The following TMEFF2 variants were observed in gnomAD, a reference collection of about 807,000 sequenced individuals.
TMEFF2 encodes the protein transmembrane protein with EGF like and two follistatin like domains 2.
A neutral mutation model predicts 53.8 loss-of-function variants in TMEFF2; 28 were observed. The observed-to-expected ratio is 0.52, with a 90% confidence interval of 0.39 to 0.71. The LOEUF (loss-of-function observed/expected upper bound fraction) is 0.71, where lower values mean the gene tolerates loss of function less well. Among genes scored for constraint, TMEFF2 ranks in the 30% least tolerant of loss-of-function variants. The pLI, the probability that TMEFF2 is intolerant of heterozygous loss-of-function variation, is 0.00. For missense variants in TMEFF2, 353 were observed against 455.2 expected, an observed-to-expected ratio of 0.78 and a Z score of 2.04; for synonymous variants, 162 against 166.3, an observed-to-expected ratio of 0.97 and a Z score of 0.20.
intron 4 of TMEFF2, among the ~76,000 whole-genome samples, chr2:192,162,487 A>G (rs181311140): frequency 1.6e-3 from 239 of 152,322 alleles, no homozygotes; most frequent in African/African-American, 5.6e-3. Context: ...ACTTTTCAAC[A>G]GGGGGAAATA....
chr2:192,112,523 G>A (rs1689306434), intron 4 of TMEFF2, among the ~76,000 whole-genome samples: 1 of 152,262 alleles, frequency 6.6e-6, no homozygotes, highest in African/African-American at 2.4e-5. Context: ...CAGGCTCATA[G>A]ATGGAGGGGA....
chr2:192,124,484 T>C (rs1317724528), intron 4 of TMEFF2, among the ~76,000 whole-genome samples: 2 of 152,176 alleles, frequency 1.3e-5, no homozygotes, highest in Non-Finnish European at 2.9e-5. Flanking sequence ...GATGCTCCAT[T>C]CTTTCTTCTG....
chr2:192,177,023 T>A (rs1691061719), intron 4 of TMEFF2: 1 of 151,084 alleles, frequency 6.6e-6, no homozygotes, highest in African/African-American at 2.4e-5. Context: ...AATTAGAAAA[T>A]AACTATTAAC....
intron 4 of TMEFF2, among the ~76,000 whole-genome samples, chr2:192,126,126 GAAA>G (rs1206503891): frequency 9.2e-5 from 14 of 152,120 alleles, no homozygotes; most frequent in Non-Finnish European, 2.1e-4. Flanking sequence ...TCAGATATTT[GAAA>G]AAGATAAAAA....
At chr2:192,137,088 C>T (rs1003355892) in intron 4 of TMEFF2, among the ~76,000 whole-genome samples, 1 of 152,162 alleles carries the variant, frequency 6.6e-6, no homozygotes, top group Non-Finnish European at 1.5e-5. Flanking sequence ...CCCTTTTTAA[C>T]AGAGGGATAA....
intron 8 of TMEFF2, 120 bp from the exon 9 acceptor site, chr2:191,953,957 C>T (rs1047650197): frequency 3.0e-5 from 25 of 836,418 alleles, no homozygotes; most frequent in Non-Finnish European, 3.8e-5. Context: ...TGGCGCATCT[C>T]GGCTCACTGC....
chr2:192,112,430 T>G (rs1470515624), intron 4 of TMEFF2, among the ~76,000 whole-genome samples: 1 of 152,192 alleles, frequency 6.6e-6, no homozygotes, highest in African/African-American at 2.4e-5. Context: ...TTTGACCAAT[T>G]TCTCCCATTT....
chr2:192,085,400 T>C (rs769740870), intron 4 of TMEFF2, among the ~76,000 whole-genome samples: 4 of 152,138 alleles, frequency 2.6e-5, no homozygotes, highest in Non-Finnish European at 4.4e-5. Flanking sequence ...ACTCTCCATA[T>C]GCACCCTGGC....
At chr2:192,133,897 T>C (rs571666077) in intron 4 of TMEFF2, among the ~76,000 whole-genome samples, 3 of 152,326 alleles carry the variant, frequency 2.0e-5, no homozygotes, top group African/African-American at 7.2e-5. Context: ...TCGTGTCCGA[T>C]TAATCTCCCA....
chr2:192,168,521 T>A (rs1690826462), intron 4 of TMEFF2, among the ~76,000 whole-genome samples: 1 of 152,110 alleles, frequency 6.6e-6, no homozygotes, highest in African/African-American at 2.4e-5. Context: ...TATCTTCAAT[T>A]CTTTTCTTTC....
intron 9 of TMEFF2, among the ~76,000 whole-genome samples, chr2:191,952,472 TTTTC>T (rs1231310203): frequency 2.0e-5 from 3 of 152,186 alleles, no homozygotes; most frequent in Non-Finnish European, 4.4e-5. Flanking sequence ...TTTTAGATTC[TTTTC>T]TTTTTCTTTT....
chr2:192,067,335 G>A (rs947403642), intron 4 of TMEFF2, among the ~76,000 whole-genome samples: 7 of 151,840 alleles, frequency 4.6e-5, no homozygotes, highest in African/African-American at 1.7e-4. Context: ...TCTCCTGGAG[G>A]AAGAGGGATG....
Position 192,100,345 on chromosome 2 carries a change from C to T in TMEFF2, c.440-42570G>A, listed in dbSNP as rs10177238. ...TGCCTGGGCTTTCAGGAAAGTTTGA[C>T]TTCAAATGTTATTTTCCAACAATCC... On this transcript the variant is annotated intron_variant, in intron 4 of 9. Transcript: ENST00000272771. 7.4e-3 allele frequency among the ~76,000 whole-genome samples: 1,129 copies of T among 152,242 alleles called. 20 individuals carry two copies. Among genetic ancestry groups the T allele is most frequent in the African/African-American group, 0.024 (1,013 of 41,556 alleles).
At chr2:191,964,732 C>G (rs1351946013) in intron 7 of TMEFF2, among the ~76,000 whole-genome samples, 1 of 151,960 alleles carries the variant, frequency 6.6e-6, no homozygotes, top group African/African-American at 2.4e-5. Context: ...CTGCACTCAC[C>G]TCTCCTCATT....
At chr2:192,014,503 TTG>T (rs1686703288) in intron 5 of TMEFF2, among the ~76,000 whole-genome samples, 1 of 152,228 alleles carries the variant, frequency 6.6e-6, no homozygotes, top group African/African-American at 2.4e-5. Context: ...CCAATCTTTG[TTG>T]TTAGTATCCT....
chr2:192,122,040 G>C (rs963522071), intron 4 of TMEFF2, among the ~76,000 whole-genome samples: 42 of 152,170 alleles, frequency 2.8e-4, no homozygotes, highest in Non-Finnish European at 3.4e-4. Flanking sequence ...AGCTGGAAGA[G>C]AGAATTTTGA....
At chr2:192,099,961 A>T (rs1455452440) in intron 4 of TMEFF2, among the ~76,000 whole-genome samples, 1 of 152,138 alleles carries the variant, frequency 6.6e-6, no homozygotes, top group Non-Finnish European at 1.5e-5. Flanking sequence ...TGGCCAGAAA[A>T]GTTATTGACA....
At chr2:192,130,621 C>T (rs1242029636) in intron 4 of TMEFF2, among the ~76,000 whole-genome samples, 3 of 152,222 alleles carry the variant, frequency 2.0e-5, no homozygotes, top group East Asian at 3.9e-4. Flanking sequence ...TTGTGACCCC[C>T]GCCCCTGCCC....
chr2:192,094,230 A>G (rs1235747934), intron 4 of TMEFF2, among the ~76,000 whole-genome samples: 2 of 152,188 alleles, frequency 1.3e-5, no homozygotes, highest in Non-Finnish European at 2.9e-5. Context: ...GGTTGAGTAC[A>G]ATTGTGGCTT....
Sources: gnomAD v4.1 joint callset for allele counts (sites outside exome capture counted in the v4.1 genomes callset) on GRCh38, gnomAD v4.1.1 for gene constraint, MANE v1.5 for transcripts, NCBI Gene and HGNC (gene_info 2026-07-23, HGNC 2026-07-21) for gene names.